SPOCD1: variants seen among roughly 807,000 people sequenced by gnomAD.
SPOCD1 encodes SPOC domain-containing protein 1.
SPOCD1 carries 64 observed loss-of-function variants against 92.2 expected under a neutral mutation model. The observed-to-expected ratio is 0.69, with a 90% CI of 0.57 to 0.86. SPOCD1 has a LOEUF of 0.86. SPOCD1 is among the 40% of genes least tolerant of loss of function. The probability of loss-of-function intolerance (pLI) is 0.00; values close to 1 mark genes in which losing one functional copy is unlikely to be tolerated. For missense variants in SPOCD1, 1,360 were observed against 1,543.1 expected (o/e 0.88, Z 1.99); for synonymous variants, 578 against 619.3 (o/e 0.93, Z 0.99).
In SPOCD1 at chr1:31,814,148, CG is replaced by C; in HGVS notation, c.1185del (p.Gly396AlafsTer30). On this transcript the variant is annotated frameshift_variant, in exon 2 of 16. Transcript: ENST00000360482. LOFTEE classifies it high-confidence loss of function. This position sits in a 1 kb window ranked among gnomAD's most constrained non-coding sequence, Gnocchi z 4.2. ...TCAGTATCCAGGGAGGAGCTGAGGC[CG>C]CCCAAGGGCTCCCGGGAGCTGGCAC... Reference protein sequence around the residue: ...DTCASSREPLGGLSSSLDTEA... With the variant: ...DTCASSREPLXGLSSSLDTEA... 6.3e-7 allele frequency: 1 copy of C among 1,586,466 alleles called. No homozygotes were observed. The highest frequency in any genetic ancestry group is 1.7e-5 in the Admixed American group (1 of 57,534).
At position 31,803,083 on chromosome 1, in the gene SPOCD1, C is replaced by T. The variant is rs562263936; in HGVS notation, c.1384-1378G>A. Among the ~76,000 whole-genome samples, 328 of 151,168 alleles carry T rather than the reference C, an allele frequency of 2.2e-3. 5 individuals are homozygous for T. The highest frequency in any genetic ancestry group is 7.6e-3 in the African/African-American group (314 of 41,174). ...ACAGTTCAAAGCCTTTTGGCTGGCC[C>T]GTCTCAGGGGTCCTAACGTCCATGT... On this transcript the variant is annotated intron_variant, in intron 2 of 15. Transcript: ENST00000360482.
At chr1:31,812,851 G>A (rs1191367587) in intron 2 of SPOCD1, among the ~76,000 whole-genome samples, 1 of 152,216 alleles carries the variant, frequency 6.6e-6, no homozygotes, top group Non-Finnish European at 1.5e-5. Flanking sequence ...AGCTGGGTCT[G>A]TAACCTCACC....
rs768858445 is a variant in SPOCD1, at chr1:31,801,718, G to T, written c.1384-13C>A. ...TTTTCACTTCCTCCTTGGAGAGAAA[G>T]AGGATGCAGAGATTAGAATCCAGAG... On this transcript the variant is annotated splice_polypyrimidine_tract_variant and intron_variant, in intron 2 of 15. Coordinates refer to ENST00000360482, the MANE Select transcript of SPOCD1 (RefSeq NM_144569.7). 4 of 1,612,578 alleles carry T rather than the reference G, an allele frequency of 2.5e-6. No homozygotes were observed. The highest frequency in any genetic ancestry group is 1.7e-5 in the Admixed American group (1 of 60,002).
In SPOCD1 at chr1:31,798,496, C is replaced by T. The variant is rs762904016; in HGVS notation, c.1974G>A (p.Arg658=). 5 of 1,613,946 alleles carry T rather than the reference C, an allele frequency of 3.1e-6. No individual in the cohort carries two copies. In the East Asian group the frequency reaches 1.1e-4, roughly 36 times the overall value. ...GCAGGCTGCGATACTTGGTCTTGTA[C>T]CGGCCATTGGTGCCTTGTGTCAGGT... ...LWDLTQGTNG[R]YKTKYRSLLF... Residue 658 remains arginine, a synonymous_variant, in exon 8 of 16, where the codon CGG becomes CGA. Coordinates refer to ENST00000360482, the MANE Select transcript of SPOCD1 (RefSeq NM_144569.7). This position sits in a 1 kb window ranked among gnomAD's most constrained non-coding sequence, Gnocchi z 4.1.
In SPOCD1 at chr1:31,799,798, G is replaced by A. The variant is rs1648307274; in HGVS notation, c.1783+11C>T. 6.2e-7 allele frequency: 1 copy of A among 1,613,736 alleles called. No homozygotes were observed. The highest frequency in any genetic ancestry group is 8.5e-7 in the Non-Finnish European group (1 of 1,180,012). Reference sequence around the variant, plus strand: ...CTGGAAGCAGAAGAGGCTCCCTCCAGGGCCCTTCACCTGAGTCCTCTGGCT... The same window carrying A: ...CTGGAAGCAGAAGAGGCTCCCTCCAAGGCCCTTCACCTGAGTCCTCTGGCT... On this transcript the variant is annotated intron_variant, in intron 6 of 15. Transcript: ENST00000360482.
intron 2 of SPOCD1, among the ~76,000 whole-genome samples, chr1:31,810,857 T>C (rs1649150552): frequency 1.3e-5 from 2 of 152,192 alleles, no homozygotes; most frequent in East Asian, 3.8e-4. Flanking sequence ...AGAGGAGCTG[T>C]GTGCCTCCCT....
At chr1:31,799,980 G>T (rs751397338) in intron 5 of SPOCD1, 36 bp downstream of exon 5, 2 of 1,611,272 alleles carry the variant, frequency 1.2e-6, no homozygotes, top group Non-Finnish European at 1.7e-6. Flanking sequence ...CCATGCTCCA[G>T]TGAAGGAGGC....
At chr1:31,806,155 G>T (rs952889788) in intron 2 of SPOCD1, among the ~76,000 whole-genome samples, 1 of 150,686 alleles carries the variant, frequency 6.6e-6, no homozygotes, top group Non-Finnish European at 1.5e-5. Context: ...TCCACCATGA[G>T]AGCAAGAAAA....
intron 13 of SPOCD1, among the ~76,000 whole-genome samples, chr1:31,793,004 G>C (rs1031524825): frequency 6.6e-6 from 1 of 152,146 alleles, no homozygotes; most frequent in Non-Finnish European, 1.5e-5. Flanking sequence ...GCTCTCATCC[G>C]ACACTTTAGC....
intron 2 of SPOCD1, among the ~76,000 whole-genome samples, chr1:31,813,745 A>G (rs960593914): frequency 1.3e-5 from 2 of 152,196 alleles, no homozygotes; most frequent in Non-Finnish European, 1.5e-5. Context: ...TCCAAAAGAT[A>G]ATGACCCCTC....
chr1:31,792,438 C>A, intron 14 of SPOCD1, 37 bp from the exon 15 acceptor site: 2 of 1,598,758 alleles, frequency 1.3e-6, no homozygotes, highest in South Asian at 2.2e-5. Flanking sequence ...TAAGCGCAGT[C>A]ATCCTCTGCT....
rs532647031 is a variant in SPOCD1, at chr1:31,808,639, C to T, written c.1383+5312G>A. Among the ~76,000 whole-genome samples, 65 of 152,092 alleles carry T rather than the reference C, an allele frequency of 4.3e-4. 1 individual carries two copies. Among genetic ancestry groups the T allele is most frequent in the Middle Eastern group, 3.4e-3 (1 of 294 alleles). On this transcript the variant is annotated intron_variant, in intron 2 of 15. Coordinates refer to ENST00000360482, the MANE Select transcript of SPOCD1 (RefSeq NM_144569.7). ...TTCCTTTAAAATCCAGAATAAGTCA[C>T]GGGTTCCTTGCTATCACCATTTCTA...
chr1:31,814,706 TC>T lies in SPOCD1; in HGVS notation c.627del (p.Trp209Ter). 3 of 1,604,464 alleles carry T rather than the reference TC, an allele frequency of 1.9e-6. No individual in the cohort carries two copies. The South Asian group carries it at 3.3e-5, about 18-fold the overall frequency. Reference sequence around the variant, plus strand: ...CACTCTGAATGAGCCCCTTGCCTCCTCCATTTCTTTCTTACCCTCACAGGGA... The same window carrying T: ...CACTCTGAATGAGCCCCTTGCCTCCTCATTTCTTTCTTACCCTCACAGGGA... ...DPVPVRVRKKWRRQGAHSECE... is the reference protein window; with the variant it reads ...DPVPVRVRKKXRRQGAHSECE... On this transcript the variant is annotated frameshift_variant, in exon 2 of 16. Coordinates refer to ENST00000360482, the MANE Select transcript of SPOCD1 (RefSeq NM_144569.7). LOFTEE classifies it high-confidence loss of function. The surrounding 1 kb of genome is among the most constrained non-coding windows in gnomAD (Gnocchi z 4.2).
Position 31,799,226 on chromosome 1 carries a change from C to A in SPOCD1, c.1868+175G>T, listed in dbSNP as rs113256305. Among the ~76,000 whole-genome samples, 990 of 152,290 alleles carry A rather than the reference C, an allele frequency of 6.5e-3. 7 individuals carry two copies. Among genetic ancestry groups the A allele is most frequent in the African/African-American group, 0.013 (534 of 41,536 alleles). On this transcript the variant is annotated intron_variant, in intron 7 of 15. Transcript: ENST00000360482. The stretch of plus-strand genomic sequence containing the variant: ...AGCACAGCCTTAAAGCCAGAGAGAC[C>A]CAGCTTCAAATTTCAGCTCTCCACT...
rs774371382 is a variant in SPOCD1, at chr1:31,796,526, G to A, written c.2271+64C>T. The A allele has an allele frequency of 1.6e-5, 26 of 1,613,384 alleles. 1 individual carries two copies. Among genetic ancestry groups the A allele is most frequent in the South Asian group, 9.9e-5 (9 of 91,040 alleles). On this transcript the variant is annotated intron_variant, in intron 10 of 15. Transcript: ENST00000360482. The stretch of plus-strand genomic sequence containing the variant: ...ACATGCCCAAGACCACACTGCTGGT[G>A]AGGCGAGGCGTGGGACCCCCAGGCA...
Position 31,799,405 on chromosome 1 carries a change from T to C in SPOCD1, c.1864A>G (p.Thr622Ala). Residue 622 changes from threonine to alanine, a missense_variant, in exon 7 of 16, where the codon ACT becomes GCT. Coordinates refer to ENST00000360482, the MANE Select transcript of SPOCD1 (RefSeq NM_144569.7). ...VVRSMQEVLW[T>A]RLRELPDPVL... ...GAGTGGGGAGCAAGGCCTCACCGAGTCCATAGTACCTCCTGCATGGAACGG... is the reference window on the plus strand; with the variant it reads ...GAGTGGGGAGCAAGGCCTCACCGAGCCCATAGTACCTCCTGCATGGAACGG... 2 of 1,608,504 alleles carry C rather than the reference T, an allele frequency of 1.2e-6. No individual in the cohort carries two copies. The highest frequency in any genetic ancestry group is 4.5e-5 in the East Asian group (2 of 44,712).
Position 31,800,160 on chromosome 1 carries a change from C to A in SPOCD1, c.1603-19G>T, listed in dbSNP as rs1302319294. On this transcript the variant is annotated intron_variant, in intron 4 of 15. Coordinates refer to ENST00000360482, the MANE Select transcript of SPOCD1 (RefSeq NM_144569.7). ...GGAAAACCTTGGGGCAGGGAGCAGA[C>A]AAGCTATTGGCCGGAAATGGAGGCC... 6.3e-7 allele frequency: 1 copy of A among 1,579,040 alleles called. No individual in the cohort carries two copies. The highest frequency in any genetic ancestry group is 2.3e-5 in the East Asian group (1 of 43,114).
rs768107442 is a variant in SPOCD1, at chr1:31,793,784, T to G, written c.2497A>C (p.Lys833Gln). Reference protein sequence around the residue: ...QTPMPAPEMPKTRELSPTEPQ... With the variant: ...QTPMPAPEMPQTRELSPTEPQ... ...TCCGTGGGAGACAACTCCCTGGTTT[T>G]GGGCATCTCTGGAGCAGGCATAGGA... The change falls in exon 12 of 16, where the codon AAA (lysine) becomes CAA (glutamine). Residue 833 changes from lysine to glutamine, a missense_variant. Physicochemically the swap from Lys to Gln is moderately conservative, Grantham distance 53 (BLOSUM62 1). Coordinates refer to ENST00000360482, the MANE Select transcript of SPOCD1 (RefSeq NM_144569.7). The G allele has an allele frequency of 2.5e-6, 4 of 1,614,092 alleles. No individual in the cohort carries two copies. The African/African-American group carries it at 4.0e-5, about 16-fold the overall frequency.
chr1:31,792,322 T>A lies in SPOCD1; in HGVS notation c.2855A>T (p.Asp952Val). ...NCRLLYSYLNDRQRHGLASVE... is the reference protein window; with the variant it reads ...NCRLLYSYLNVRQRHGLASVE... Reference sequence around the variant, plus strand: ...AGAGGCCAGCCCGTGGCGCTGCCTATCATTGAGGTATGAGTAGAGCAGGCG... The same window carrying A: ...AGAGGCCAGCCCGTGGCGCTGCCTAACATTGAGGTATGAGTAGAGCAGGCG... Residue 952 changes from aspartate (D) to valine (V), a missense_variant, in exon 15 of 16, where the codon GAT (aspartate) becomes GTT (valine). Around this residue, in one of 3 missense-constraint regions of SPOCD1, gnomAD observed 614 missense variants for 757.8 expected, o/e 0.81. Transcript: ENST00000360482. The A allele has an allele frequency of 1.9e-6, 3 of 1,613,952 alleles. No homozygotes were observed. The highest frequency in any genetic ancestry group is 2.5e-6 in the Non-Finnish European group (3 of 1,179,994).
Sources: allele counts gnomAD v4.1 joint callset (sites outside exome capture counted in the v4.1 genomes callset), GRCh38; gene constraint gnomAD v4.1.1; regional missense constraint gnomAD v4.1.1; non-coding constraint Gnocchi (gnomAD v3.1); transcripts MANE v1.5; gene names NCBI Gene and HGNC (gene_info 2026-07-23, HGNC 2026-07-21).